FLT1: variants seen among roughly 807,000 people sequenced by gnomAD.
FLT1 encodes vascular endothelial growth factor receptor 1.
Under a neutral mutation model 156.3 loss-of-function variants are expected in FLT1, and 49 were observed. The observed-to-expected ratio is 0.31, with a 90% CI of 0.25 to 0.40. The LOEUF is 0.40. Among genes scored for constraint, FLT1 ranks in the 10% least tolerant of loss-of-function variants. The pLI is 1.00. For synonymous variants in FLT1, 594 were observed against 583.8 expected (o/e 1.02, Z -0.25); for missense variants, 1,322 against 1,637.2 (o/e 0.81, Z 3.32).
chr13:28,388,449 T>C (rs1362754922), intron 13 of FLT1: 6 of 1,029,182 alleles, frequency 5.8e-6, no homozygotes, highest in Admixed American at 6.0e-5. Flanking sequence ...ATTTTGGTCA[T>C]TATAGTTTTT....
rs78226325 is a variant in FLT1 at position 28,362,249 on chromosome 13, T to G, written c.2117-4564A>C. ...CCTTGGCTAAGTCACTTAATCTTTT[T>G]GGGGCAAGTTCCTTACCTGTAAAAT... On this transcript the variant is annotated intron_variant, in intron 14 of 29. Transcript: ENST00000282397. Among the ~76,000 whole-genome samples, 1,147 of 152,316 alleles carry G rather than the reference T, an allele frequency of 7.5e-3. 17 individuals are homozygous for G. Among genetic ancestry groups the G allele is most frequent in the African/African-American group, 0.026 (1,085 of 41,564 alleles).
chr13:28,373,024 T>C (rs1458195528), intron 14 of FLT1, among the ~76,000 whole-genome samples: 1 of 152,134 alleles, frequency 6.6e-6, no homozygotes, highest in Non-Finnish European at 1.5e-5. Flanking sequence ...TTGCAAAACT[T>C]TGTAATATTG....
At chr13:28,385,098 A>C in intron 13 of FLT1, 67 bp from the exon 14 acceptor site, 1 of 1,502,122 alleles carries the variant, frequency 6.7e-7, no homozygotes, top group South Asian at 1.1e-5. Flanking sequence ...TATGCATATC[A>C]ACATTTAAAA....
intron 14 of FLT1, among the ~76,000 whole-genome samples, chr13:28,365,253 T>C (rs919867242): frequency 2.6e-5 from 4 of 152,238 alleles, no homozygotes; most frequent in Admixed American, 2.6e-4. Flanking sequence ...TAGATTTTAA[T>C]TTTGTTGTTA....
In FLT1 at chr13:28,302,542, C is replaced by A. The variant is rs894575039; in HGVS notation, c.*625G>T. ...CGCTGTCCATCTGCTCCTGGCTGGG[C>A]CCTCAAATGTAGAAGGGTCAGAGCT... On this transcript the variant is annotated 3_prime_UTR_variant, in exon 30 of 30. Transcript: ENST00000282397. 2.1e-5 allele frequency: 5 copies of A among 233,250 alleles called. No individual in the cohort carries two copies. Among genetic ancestry groups the A allele is most frequent in the African/African-American group, 1.1e-4 (5 of 45,336 alleles). The allele number at this position is 233,250 out of a possible 1,614,324, so 14.4% of individuals were successfully genotyped here. A position where few individuals can be genotyped will look rare whatever the true frequency, so the allele number is the denominator to read the frequency against.
At chr13:28,476,289 A>G (rs1880541289) in intron 1 of FLT1, among the ~76,000 whole-genome samples, 1 of 152,192 alleles carries the variant, frequency 6.6e-6, no homozygotes. Context: ...GCTCAGGGAA[A>G]GCTCTTTCTA....
chr13:28,389,775 C>A (rs902567088), intron 13 of FLT1, 21 bp downstream of exon 13: 5 of 1,614,094 alleles, frequency 3.1e-6, no homozygotes, highest in Admixed American at 3.3e-5. Context: ...GAGAAAACAG[C>A]CTTTTTGTTG....
Position 28,473,675 on chromosome 13 carries a change from G to A in FLT1, c.65-6058C>T, listed in dbSNP as rs147138389. On this transcript the variant is annotated intron_variant, in intron 1 of 29. Coordinates refer to ENST00000282397, the MANE Select transcript of FLT1 (RefSeq NM_002019.4). ...AAAGAAAGAAAGAAAGAAAGAAAGA[G>A]AGAGAGAGAGAGAGAGAGAAAGAAA... 5.3e-3 allele frequency among the ~76,000 whole-genome samples: 607 copies of A among 115,454 alleles called. 13 individuals are homozygous for A. The highest frequency in any genetic ancestry group is 0.02 in the African/African-American group (467 of 23,530). The allele number at this position is 115,454 out of a possible 152,430, so 75.7% of individuals were successfully genotyped here. A position where few individuals can be genotyped will look rare whatever the true frequency, so the allele number is the denominator to read the frequency against.
chr13:28,433,808 G>T lies in FLT1; in HGVS notation c.813+11C>A, dbSNP rs1484995654. ...TGTCCTGCAGAAGAAATAGAAAAAT[G>T]GGTCACTCACTTCATCAGGGTAACT... On this transcript the variant is annotated intron_variant, in intron 6 of 29. Coordinates refer to ENST00000282397, the MANE Select transcript of FLT1 (RefSeq NM_002019.4). 6.8e-6 allele frequency: 11 copies of T among 1,612,626 alleles called. No homozygotes were observed. Among genetic ancestry groups the T allele is most frequent in the Non-Finnish European group, 8.5e-6 (10 of 1,178,826 alleles).
At chr13:28,446,469 A>T (rs1878624133) in intron 3 of FLT1, among the ~76,000 whole-genome samples, 1 of 152,232 alleles carries the variant, frequency 6.6e-6, no homozygotes, top group Non-Finnish European at 1.5e-5. Context: ...ATTGCAGGAT[A>T]CAATGTACAA....
At chr13:28,404,568 C>T (rs901879919) in intron 11 of FLT1, among the ~76,000 whole-genome samples, 13 of 152,148 alleles carry the variant, frequency 8.5e-5, no homozygotes, top group Non-Finnish European at 1.8e-4. Context: ...TCTACTTTGT[C>T]ATCTTCAAGT....
Position 28,389,912 on chromosome 13 carries a change from G to T in FLT1, c.1853C>A (p.Thr618Asn), listed in dbSNP as rs1268567063. 6.2e-7 allele frequency: 1 copy of T among 1,614,066 alleles called. No individual in the cohort carries two copies. The highest frequency in any genetic ancestry group is 8.5e-7 in the Non-Finnish European group (1 of 1,180,050). Reference sequence around the variant, plus strand: ...AACATTCATGATGGTAAGATTAAGAGTGATGGAGTGCTCCTTAGTGATGGC... The same window carrying T: ...AACATTCATGATGGTAAGATTAAGATTGATGGAGTGCTCCTTAGTGATGGC... ...KMAITKEHSI[T>N]LNLTIMNVSL... Residue 618 changes from threonine (T) to asparagine (N), a missense_variant, in exon 13 of 30, where the codon ACT (threonine) becomes AAT (asparagine). Around this residue, in one of 3 missense-constraint regions of FLT1, gnomAD observed 991 missense variants for 1,254.8 expected, o/e 0.79. Coordinates refer to ENST00000282397, the MANE Select transcript of FLT1 (RefSeq NM_002019.4).
chr13:28,374,516 C>CT (rs959594973), intron 14 of FLT1, among the ~76,000 whole-genome samples: 60 of 147,940 alleles, frequency 4.1e-4, no homozygotes, highest in South Asian at 6.4e-4. Context: ...TATTTCTTTT[C>CT]TTTTTTTTTT....
intron 1 of FLT1, among the ~76,000 whole-genome samples, chr13:28,493,906 A>G (rs1881598845): frequency 6.6e-6 from 1 of 152,226 alleles, no homozygotes; most frequent in South Asian, 2.1e-4. Flanking sequence ...TTTGGTCAAA[A>G]TCGCCCGCCC....
Position 28,303,244 on chromosome 13 carries a change from G to C in FLT1, c.3940C>G (p.Leu1314Val). Residue 1314 changes from leucine to valine, a missense_variant, in exon 30 of 30, where the codon CTG becomes GTG. By Grantham distance (32) the Leu-to-Val change is conservative. Around this residue, in one of 3 missense-constraint regions of FLT1, gnomAD observed 329 missense variants for 366.2 expected, o/e 0.90. Coordinates refer to ENST00000282397, the MANE Select transcript of FLT1 (RefSeq NM_002019.4). ...GAGCAGCACGCGATTTTCCTTTCCAGCTCAGCGTGGTCGTAGGTGAACCTG... is the reference window on the plus strand; with the variant it reads ...GAGCAGCACGCGATTTTCCTTTCCACCTCAGCGTGGTCGTAGGTGAACCTG... ...KRRFTYDHAE[L>V]ERKIACCSPP... 1 of 1,613,850 alleles carries C rather than the reference G, an allele frequency of 6.2e-7. No individual in the cohort carries two copies. The highest frequency in any genetic ancestry group is 1.1e-5 in the South Asian group (1 of 91,056).
rs2137459718 is a variant in FLT1 at position 28,390,052 on chromosome 13, C to T, written c.1713G>A (p.Glu571=). 6.2e-7 allele frequency: 1 copy of T among 1,614,200 alleles called. No homozygotes were observed. Among genetic ancestry groups the T allele is most frequent in the Non-Finnish European group, 8.5e-7 (1 of 1,180,026 alleles). Residue 571 remains glutamate, a synonymous_variant, in exon 13 of 30, where the codon GAG becomes GAA. Transcript: ENST00000282397. ...TAACTGTGCAAGACAGTTTCAGGTC[C>T]TCTCCTTCCGTCGGCATTTTTTCCA... The part of the protein sequence containing the change: ...VNLEKMPTEG[E]DLKLSCTVNK...
chr13:28,341,452 C>G (rs1216637384), intron 16 of FLT1, among the ~76,000 whole-genome samples: 1 of 152,148 alleles, frequency 6.6e-6, no homozygotes, highest in African/African-American at 2.4e-5. Context: ...ACAAACTGCC[C>G]TCTAACCTTA....
At chr13:28,343,888 T>C (rs958775739) in intron 16 of FLT1, among the ~76,000 whole-genome samples, 21 of 151,520 alleles carry the variant, frequency 1.4e-4, no homozygotes, top group African/African-American at 2.2e-4. Context: ...ATGATCCACC[T>C]GCCTCAGCCT....
chr13:28,401,767 C>G (rs1462206572), intron 11 of FLT1, among the ~76,000 whole-genome samples: 1 of 152,184 alleles, frequency 6.6e-6, no homozygotes, highest in Non-Finnish European at 1.5e-5. Flanking sequence ...AACTGAAACA[C>G]AAGCTGTAAT....
Sources: allele counts gnomAD v4.1 joint callset (sites outside exome capture counted in the v4.1 genomes callset), GRCh38; gene constraint gnomAD v4.1.1; regional missense constraint gnomAD v4.1.1; transcripts MANE v1.5; gene names NCBI Gene and HGNC (gene_info 2026-07-23, HGNC 2026-07-21).